DENND1A: variants seen among roughly 807,000 people sequenced by gnomAD.
DENND1A encodes the protein DENN domain-containing protein 1A.
A neutral mutation model predicts 113.7 loss-of-function variants in DENND1A; 51 were observed. That is an observed-to-expected ratio of 0.45 (90% CI 0.36 to 0.57). DENND1A has a LOEUF of 0.57. DENND1A is among the 20% of genes least tolerant of loss of function. DENND1A has a pLI of 0.00. For missense variants in DENND1A, 1,258 were observed against 1,395.9 expected, an observed-to-expected ratio of 0.90 and a Z score of 1.57; for synonymous variants, 565 against 570.8, an observed-to-expected ratio of 0.99 and a Z score of 0.14.
At chr9:123,631,679 GTA>G (rs1013024379) in intron 9 of DENND1A, among the ~76,000 whole-genome samples, 1 of 152,154 alleles carries the variant, frequency 6.6e-6, no homozygotes, top group Non-Finnish European at 1.5e-5. Flanking sequence ...TTCCACATAG[GTA>G]ATCAATTGCT....
intron 11 of DENND1A, among the ~76,000 whole-genome samples, chr9:123,607,545 A>AGTGT (rs1469468515): frequency 6.6e-5 from 7 of 106,022 alleles, no homozygotes; most frequent in East Asian, 3.5e-4. Flanking sequence ...AGAGAGAGAG[A>AGTGT]GAGTGTGTGT....
intron 5 of DENND1A, among the ~76,000 whole-genome samples, chr9:123,688,476 C>A (rs1564951135): frequency 6.6e-6 from 1 of 152,062 alleles, no homozygotes; most frequent in Non-Finnish European, 1.5e-5. Context: ...TAAAGTTGGT[C>A]CCTGGTTTAG....
At chr9:123,582,452 T>G (rs1589229009) in intron 12 of DENND1A, among the ~76,000 whole-genome samples, 1 of 151,624 alleles carries the variant, frequency 6.6e-6, no homozygotes, top group Admixed American at 6.6e-5. Context: ...CAGACTGGAG[T>G]GCAGTGGCAC....
In DENND1A at chr9:123,387,579, C is replaced by T. The variant is rs1354234971; in HGVS notation, c.1760+151G>A. Reference sequence around the variant, plus strand: ...GTGGCACGCAGAGGTGGTGTCCACCCTGCATGTTGGCACTGGGGCACCGGC... The same window carrying T: ...GTGGCACGCAGAGGTGGTGTCCACCTTGCATGTTGGCACTGGGGCACCGGC... On this transcript the variant is annotated intron_variant, in intron 22 of 23. Transcript: ENST00000394215. 1.4e-5 allele frequency: 12 copies of T among 857,990 alleles called. No individual in the cohort carries two copies. In the African/African-American group the frequency reaches 1.8e-4, roughly 13 times the overall value. The allele number at this position is 857,990 out of a possible 1,614,324, so 53.1% of individuals were successfully genotyped here.
chr9:123,523,301 C>T (rs374040560), intron 13 of DENND1A, among the ~76,000 whole-genome samples: 5 of 152,168 alleles, frequency 3.3e-5, no homozygotes, highest in East Asian at 1.9e-4. Flanking sequence ...CTCTGCTCAG[C>T]GCTCCACATT....
intron 2 of DENND1A, among the ~76,000 whole-genome samples, chr9:123,859,615 C>T (rs1245295084): frequency 6.6e-6 from 1 of 151,972 alleles, no homozygotes; most frequent in Non-Finnish European, 1.5e-5. Context: ...GAAAACATTG[C>T]CCATTCTGCA....
chr9:123,726,333 TAATTC>T (rs2067703827), intron 5 of DENND1A, among the ~76,000 whole-genome samples: 1 of 152,216 alleles, frequency 6.6e-6, no homozygotes, highest in Admixed American at 6.5e-5. Context: ...GCCCCTCAGA[TAATTC>T]AATAATAACG....
intron 14 of DENND1A, among the ~76,000 whole-genome samples, 169 bp downstream of exon 14, chr9:123,457,624 G>C (rs545239219): frequency 1.7e-3 from 252 of 152,286 alleles, no homozygotes; most frequent in Non-Finnish European, 3.2e-3. Context: ...ATTTGCAAAG[G>C]GTCTGTCTGG....
At chr9:123,456,573 G>A (rs1211184122) in intron 15 of DENND1A, among the ~76,000 whole-genome samples, 1 of 152,206 alleles carries the variant, frequency 6.6e-6, no homozygotes, top group African/African-American at 2.4e-5. Context: ...CACTTTGAGA[G>A]GCTGAGGCAG....
At chr9:123,421,619 G>A (rs970672449) in intron 19 of DENND1A, among the ~76,000 whole-genome samples, 37 of 152,162 alleles carry the variant, frequency 2.4e-4, no homozygotes, top group Admixed American at 2.6e-4. Context: ...TACATTTAAG[G>A]ACCAGGGCCA....
chr9:123,697,360 C>T (rs1276366376), intron 5 of DENND1A, among the ~76,000 whole-genome samples: 1 of 152,280 alleles, frequency 6.6e-6, no homozygotes, highest in Admixed American at 6.5e-5. Flanking sequence ...CTTTCTCCAA[C>T]TTTTTTGTTG....
chr9:123,793,654 T>C (rs906200594), intron 2 of DENND1A, among the ~76,000 whole-genome samples: 1 of 152,194 alleles, frequency 6.6e-6, no homozygotes, highest in African/African-American at 2.4e-5. Flanking sequence ...ATTTACATCC[T>C]TGTGAAAATG....
At chr9:123,627,191 C>G (rs1021906828) in intron 10 of DENND1A, among the ~76,000 whole-genome samples, 11 of 152,210 alleles carry the variant, frequency 7.2e-5, no homozygotes, top group African/African-American at 2.7e-4. Context: ...AGACTTTCAC[C>G]AGCAGTATCT....
At chr9:123,761,685 A>C (rs12005873) in intron 4 of DENND1A, among the ~76,000 whole-genome samples, 2,436 of 152,318 alleles carry the variant, frequency 0.016, 73 homozygotes, top group African/African-American at 0.056. Context: ...ACAAAAGCCC[A>C]AAACCAGTAG....
At chr9:123,457,116 A>C (rs2048182357) in intron 15 of DENND1A, among the ~76,000 whole-genome samples, 2 of 152,122 alleles carry the variant, frequency 1.3e-5, no homozygotes, top group Admixed American at 6.5e-5. Flanking sequence ...CTTTAACTAG[A>C]CTTTGTCTAC....
At chr9:123,734,911 G>A (rs2068449822) in intron 5 of DENND1A, among the ~76,000 whole-genome samples, 1 of 152,096 alleles carries the variant, frequency 6.6e-6, no homozygotes, top group African/African-American at 2.4e-5. Context: ...GTAGGAACCA[G>A]TTACTACTAC....
At chr9:123,410,470 G>A (rs1473206819) in intron 20 of DENND1A, among the ~76,000 whole-genome samples, 1 of 152,200 alleles carries the variant, frequency 6.6e-6, no homozygotes, top group African/African-American at 2.4e-5. Context: ...TGGAGATACG[G>A]GATGGATCCA....
intron 2 of DENND1A, among the ~76,000 whole-genome samples, chr9:123,839,474 T>C (rs1412862418): frequency 6.6e-6 from 1 of 152,204 alleles, no homozygotes; most frequent in Non-Finnish European, 1.5e-5. Flanking sequence ...ACAAACCTTA[T>C]AAAATACATG....
intron 1 of DENND1A, among the ~76,000 whole-genome samples, chr9:123,890,239 C>T (rs1182236954): frequency 1.3e-5 from 2 of 152,180 alleles, no homozygotes; most frequent in Non-Finnish European, 2.9e-5. Flanking sequence ...CACCACACCA[C>T]GTTGCCTGTC....
Sources: gnomAD v4.1 joint callset for allele counts (sites outside exome capture counted in the v4.1 genomes callset) on GRCh38, gnomAD v4.1.1 for gene constraint, MANE v1.5 for transcripts, NCBI Gene and HGNC (gene_info 2026-07-23, HGNC 2026-07-21) for gene names.